The following DYNLT5 variants were observed in gnomAD, a reference collection of about 807,000 sequenced individuals.
DYNLT5 encodes dynein light chain Tctex-type family member 5.
Under a neutral mutation model 19.3 loss-of-function variants are expected in DYNLT5, and 25 were observed. The ratio of observed to expected loss-of-function variants is 1.30; its 90% confidence interval spans 0.95 to 1.81. DYNLT5 has a LOEUF of 1.81. Among genes scored for constraint, DYNLT5 ranks in the 40% most tolerant of loss-of-function variants. The pLI is 0.00. For synonymous variants in DYNLT5, 82 were observed against 68.9 expected (o/e 1.19, Z -0.94); for missense variants, 232 against 217.9 (o/e 1.06, Z -0.41).
At chr1:66,772,775 GGAATA>G (rs1182338687) in intron 3 of DYNLT5, among the ~76,000 whole-genome samples, 2 of 151,880 alleles carry the variant, frequency 1.3e-5, no homozygotes, top group African/African-American at 4.8e-5. Flanking sequence ...AGGAGAAAAG[GGAATA>G]GAAAAGGAAA....
chr1:66,753,336 C>T (rs1167830411), intron 1 of DYNLT5, among the ~76,000 whole-genome samples: 1 of 152,146 alleles, frequency 6.6e-6, no homozygotes, highest in Non-Finnish European at 1.5e-5. Flanking sequence ...TATCGGGGCT[C>T]TCACATTTAT....
chr1:66,756,963 C>T (rs2094637070), intron 2 of DYNLT5, among the ~76,000 whole-genome samples: 1 of 152,222 alleles, frequency 6.6e-6, no homozygotes, highest in Non-Finnish European at 1.5e-5. Flanking sequence ...AATTTCGCTC[C>T]ATCTCCACCT....
chr1:66,768,332 A>C (rs145713313), intron 2 of DYNLT5, among the ~76,000 whole-genome samples: 288 of 152,266 alleles, frequency 1.9e-3, no homozygotes, highest in Non-Finnish European at 3.3e-3. Flanking sequence ...GAGGTTAATA[A>C]TTTTTTGTAA....
chr1:66,755,280 A>AT (rs1461971062), intron 2 of DYNLT5, among the ~76,000 whole-genome samples: 1 of 151,518 alleles, frequency 6.6e-6, no homozygotes, highest in East Asian at 1.9e-4. Context: ...GTTTGTTTCC[A>AT]TTTTTTTTCT....
chr1:66,765,764 C>T (rs1319393202), intron 2 of DYNLT5, among the ~76,000 whole-genome samples: 1 of 151,868 alleles, frequency 6.6e-6, no homozygotes, highest in African/African-American at 2.4e-5. Context: ...GCCTCTCAAG[C>T]AGCTGGGACT....
chr1:66,753,526 T>C (rs544258), intron 1 of DYNLT5, among the ~76,000 whole-genome samples: 58,343 of 152,088 alleles, frequency 0.38, 12,099 homozygotes, highest in African/African-American at 0.44. Context: ...CTATTTGCTC[T>C]TTACAAACTA....
In DYNLT5 at chr1:66,777,232, C is replaced by T. The variant is rs971429727; in HGVS notation, c.337-19C>T. ...TCAATGTAGCTGAATGAAGACCCTC[C>T]CTTTTTTTAAATTTCTAGGTTATTA... On this transcript the variant is annotated intron_variant, in intron 4 of 4. Coordinates refer to ENST00000282670, the MANE Select transcript of DYNLT5 (RefSeq NM_152665.3). The T allele has an allele frequency of 6.3e-7, 1 of 1,598,702 alleles. No homozygotes were observed. Among genetic ancestry groups the T allele is most frequent in the African/African-American group, 1.3e-5 (1 of 74,440 alleles).
intron 2 of DYNLT5, among the ~76,000 whole-genome samples, chr1:66,758,589 T>C (rs986739490): frequency 6.6e-6 from 1 of 152,228 alleles, no homozygotes; most frequent in Non-Finnish European, 1.5e-5. Flanking sequence ...CCACACTATA[T>C]GTATTTCTTC....
At chr1:66,773,480 T>C (rs939310152) in intron 3 of DYNLT5, among the ~76,000 whole-genome samples, 1 of 152,214 alleles carries the variant, frequency 6.6e-6, no homozygotes, top group African/African-American at 2.4e-5. Flanking sequence ...ACTTACGTCC[T>C]CTTTCATCTT....
intron 2 of DYNLT5, among the ~76,000 whole-genome samples, chr1:66,755,462 CA>C (rs1490148083): frequency 1.3e-5 from 2 of 152,082 alleles, no homozygotes; most frequent in African/African-American, 4.8e-5. Flanking sequence ...GGGAAGAAAA[CA>C]AAACAAATTA....
chr1:66,771,710 C>G (rs11208953), intron 3 of DYNLT5, among the ~76,000 whole-genome samples: 16,798 of 152,200 alleles, frequency 0.11, 1,051 homozygotes, highest in South Asian at 0.16. Context: ...CAGGTTTTCC[C>G]TCACTTGCAA....
chr1:66,773,328 G>C (rs920444965), intron 3 of DYNLT5, among the ~76,000 whole-genome samples: 1 of 152,124 alleles, frequency 6.6e-6, no homozygotes, highest in African/African-American at 2.4e-5. Context: ...GAGAAAGAGA[G>C]AGATTATTTG....
At chr1:66,768,515 A>AT (rs1645182721) in intron 2 of DYNLT5, 1 of 152,214 alleles carries the variant, frequency 6.6e-6, no homozygotes, top group Non-Finnish European at 1.5e-5. Flanking sequence ...AACCAGTGGG[A>AT]TTTTTAAGCT....
intron 1 of DYNLT5, among the ~76,000 whole-genome samples, chr1:66,754,423 C>T (rs1427056150): frequency 6.6e-6 from 1 of 152,164 alleles, no homozygotes; most frequent in African/African-American, 2.4e-5. Context: ...TTAATATCTG[C>T]TTATGTAAAT....
intron 2 of DYNLT5, 57 bp from the exon 3 acceptor site, chr1:66,770,330 T>A (rs1210417218): frequency 3.5e-6 from 4 of 1,128,522 alleles, no homozygotes; most frequent in Non-Finnish European, 4.0e-6. Flanking sequence ...AGCAATATTG[T>A]ATTTTGTTAT....
chr1:66,770,007 T>C (rs1645194173), intron 2 of DYNLT5, among the ~76,000 whole-genome samples: 1 of 152,150 alleles, frequency 6.6e-6, no homozygotes, highest in Non-Finnish European at 1.5e-5. Context: ...CCAGCCCTGT[T>C]TGTGAGCTTT....
chr1:66,771,642 A>T (rs149601447), intron 3 of DYNLT5, among the ~76,000 whole-genome samples: 6 of 152,342 alleles, frequency 3.9e-5, no homozygotes, highest in Middle Eastern at 3.4e-3. Flanking sequence ...TCATCATTTG[A>T]GTCCTAAATC....
At chr1:66,766,093 C>T (rs534855839) in intron 2 of DYNLT5, among the ~76,000 whole-genome samples, 181 of 152,326 alleles carry the variant, frequency 1.2e-3, no homozygotes, top group African/African-American at 4.0e-3. Context: ...TATTACATTA[C>T]TTTTCATCTA....
Position 66,777,324 on chromosome 1 carries a change from T to C in DYNLT5, c.410T>C (p.Leu137Pro). The C allele has an allele frequency of 6.2e-7, 1 of 1,614,012 alleles. No individual in the cohort carries two copies. Among genetic ancestry groups the C allele is most frequent in the Non-Finnish European group, 8.5e-7 (1 of 1,179,916 alleles). The change falls in exon 5 of 5, where the codon CTG (leucine) becomes CCG (proline). Residue 137 changes from leucine (L) to proline (P), a missense_variant. Leu to Pro is a moderately conservative substitution (Grantham distance 98, BLOSUM62 -3). Transcript: ENST00000282670. ...KLIVIVHIGQ[L>P]NRQSILIGSR... ...ATTGTGATTGTTCACATTGGACAAC[T>C]GAACAGGCAGAGCATACTTATTGGA...
Sources: gnomAD v4.1 joint callset for allele counts (sites outside exome capture counted in the v4.1 genomes callset) on GRCh38, gnomAD v4.1.1 for gene constraint, MANE v1.5 for transcripts, NCBI Gene and HGNC (gene_info 2026-07-23, HGNC 2026-07-21) for gene names.